PLA2G15: variants seen among roughly 807,000 people sequenced by gnomAD.
The protein encoded by PLA2G15 is phospholipase A2 group XV, also known as lysosomal phospholipase A and acyltransferase.
PLA2G15 carries 20 observed loss-of-function variants against 40.9 expected under a neutral mutation model. That is an observed-to-expected ratio of 0.49 (90% confidence interval 0.34 to 0.71). The LOEUF (loss-of-function observed/expected upper bound fraction) is 0.71, where lower values mean the gene tolerates loss of function less well. Among genes scored for constraint, PLA2G15 ranks in the 30% least tolerant of loss-of-function variants. The pLI, the probability that PLA2G15 is intolerant of heterozygous loss-of-function variation, is 0.01. For missense variants in PLA2G15, 471 were observed against 541.9 expected, an observed-to-expected ratio of 0.87 and a Z score of 1.30; for synonymous variants, 223 against 228.2, an observed-to-expected ratio of 0.98 and a Z score of 0.21.
chr16:68,254,937 A>T lies in PLA2G15; in HGVS notation c.303A>T (p.Thr101=), dbSNP rs900073274. Residue 101 remains threonine (T), a synonymous_variant, in exon 3 of 6, where the codon ACA becomes ACT. Transcript: ENST00000219345. ...ACAACAGGCTGGTTTACAACAAAAC[A>T]TCCAGGGCCACCCAGTTTCCTGATG... ...IDNIRLVYNK[T]SRATQFPDGV... is the part of the protein sequence containing the mutation. 16 of 1,613,562 alleles carry T rather than the reference A, an allele frequency of 9.9e-6. No individual in the cohort carries two copies. Among genetic ancestry groups the T allele is most frequent in the Non-Finnish European group, 1.3e-5 (15 of 1,179,518 alleles).
intron 1 of PLA2G15, among the ~76,000 whole-genome samples, chr16:68,247,301 C>T (rs2042317540): frequency 6.6e-6 from 1 of 152,060 alleles, no homozygotes; most frequent in Non-Finnish European, 1.5e-5. Context: ...TACAGAAGAC[C>T]CTGGGCAAGG....
In PLA2G15 at chr16:68,255,096, G is replaced by A; in HGVS notation, c.403+59G>A. The A allele has an allele frequency of 8.4e-7, 1 of 1,186,346 alleles. No homozygotes were observed. The highest frequency in any genetic ancestry group is 1.3e-6 in the Non-Finnish European group (1 of 792,904). 73.5% of individuals were successfully genotyped at this position (1,186,346 alleles called of 1,614,324 possible). A position where few individuals can be genotyped will look rare whatever the true frequency, so the allele number is the denominator to read the frequency against. On this transcript the variant is annotated intron_variant, in intron 3 of 5. Transcript: ENST00000219345. This position sits in a 1 kb window ranked among gnomAD's most constrained non-coding sequence, Gnocchi z 5.9. Reference sequence around the variant, plus strand: ...GGGATGGGGTTTCTGCCGGACTGGAGCTGGAGCTGGAGGAACTCTGCTGGT... The same window carrying A: ...GGGATGGGGTTTCTGCCGGACTGGAACTGGAGCTGGAGGAACTCTGCTGGT...
intron 2 of PLA2G15, among the ~76,000 whole-genome samples, chr16:68,253,679 G>A (rs780283804): frequency 1.6e-5 from 2 of 128,322 alleles, no homozygotes; most frequent in Non-Finnish European, 3.3e-5. Context: ...CTGGCCTAGT[G>A]TGTTTTGTTT....
rs2042335464 is a variant in PLA2G15 at position 68,249,354 on chromosome 16, C to T, written c.192C>T (p.Leu64=). The T allele has an allele frequency of 6.2e-7, 1 of 1,613,962 alleles. No individual in the cohort carries two copies. Among genetic ancestry groups the T allele is most frequent in the Non-Finnish European group, 8.5e-7 (1 of 1,179,818 alleles). ...KLDKPTVVHY[L]CSKKTESYFT... ...ACAAGCCGACAGTGGTGCACTACCT[C>T]TGCTCCAAGAAGACCGAAAGCTACT... The change falls in exon 2 of 6, where the codon CTC becomes CTT. Residue 64 remains leucine, a synonymous_variant. Transcript: ENST00000219345.
intron 2 of PLA2G15, among the ~76,000 whole-genome samples, chr16:68,253,687 T>TTTTG (rs773904560): frequency 7.2e-6 from 1 of 138,564 alleles, no homozygotes; most frequent in Non-Finnish European, 1.6e-5. Context: ...GTGTGTTTTG[T>TTTTG]TTTGTTTTTT....
chr16:68,255,788 G>A lies in PLA2G15; in HGVS notation c.525G>A (p.Leu175=). The A allele has an allele frequency of 6.2e-7, 1 of 1,614,052 alleles. No individual in the cohort carries two copies. The highest frequency in any genetic ancestry group is 8.5e-7 in the Non-Finnish European group (1 of 1,179,954). ...CAGATGAAAACGGGCCCTACTTCCT[G>A]GCCCTCCGCGAGATGATCGAGGAGA... ...RAPNENGPYF[L]ALREMIEEMY... is the part of the protein sequence containing the mutation. The change falls in exon 5 of 6, where the codon CTG becomes CTA. Residue 175 remains leucine, a synonymous_variant. Coordinates refer to ENST00000219345, the MANE Select transcript of PLA2G15 (RefSeq NM_012320.4). This position sits in a 1 kb window ranked among gnomAD's most constrained non-coding sequence, Gnocchi z 5.9.
Position 68,255,562 on chromosome 16 carries a change from C to T in PLA2G15, c.502+182C>T, listed in dbSNP as rs1567573765. 5 of 640,476 alleles carry T rather than the reference C, an allele frequency of 7.8e-6. No homozygotes were observed. Among genetic ancestry groups the T allele is most frequent in the East Asian group, 2.7e-5 (1 of 36,666 alleles). The allele number at this position is 640,476 out of a possible 1,614,324, so 39.7% of individuals were successfully genotyped here. On this transcript the variant is annotated intron_variant, in intron 4 of 5. Coordinates refer to ENST00000219345, the MANE Select transcript of PLA2G15 (RefSeq NM_012320.4). This position sits in a 1 kb window ranked among gnomAD's most constrained non-coding sequence, Gnocchi z 5.9. ...CAGTCTTATCCTGTCCTCCATTTCC[C>T]ACCCTGGGACCTCTGGGCCTGTGAG...
intron 1 of PLA2G15, among the ~76,000 whole-genome samples, chr16:68,246,328 T>TG (rs1567570933): frequency 6.6e-6 from 1 of 152,176 alleles, no homozygotes; most frequent in African/African-American, 2.4e-5. Flanking sequence ...GACCTCTGTC[T>TG]GGGGGGCCTT....
chr16:68,246,794 C>G (rs1183362145), intron 1 of PLA2G15, among the ~76,000 whole-genome samples: 1 of 152,080 alleles, frequency 6.6e-6, no homozygotes. Flanking sequence ...AGTAATGGGT[C>G]GGGGAGAGAC....
At position 68,255,650 on chromosome 16, in the gene PLA2G15, T is replaced by C; in HGVS notation, c.503-116T>C. The C allele has an allele frequency of 1.2e-6, 1 of 854,920 alleles. No individual in the cohort carries two copies. The highest frequency in any genetic ancestry group is 1.9e-6 in the Non-Finnish European group (1 of 519,112). 53.0% of individuals were successfully genotyped at this position (854,920 alleles called of 1,614,324 possible). ...AGGCGGGGGGACCCAGACCGCTCTGTTTGAATGTGAGCACCCTCCCCTCCC... is the reference window on the plus strand; with the variant it reads ...AGGCGGGGGGACCCAGACCGCTCTGCTTGAATGTGAGCACCCTCCCCTCCC... On this transcript the variant is annotated intron_variant, in intron 4 of 5. Coordinates refer to ENST00000219345, the MANE Select transcript of PLA2G15 (RefSeq NM_012320.4). This position sits in a 1 kb window ranked among gnomAD's most constrained non-coding sequence, Gnocchi z 5.9.
At position 68,255,196 on chromosome 16, in the gene PLA2G15, T is replaced by C. The variant is rs2042390441; in HGVS notation, c.404-86T>C. ...CTGTAGCATTCTTCCAAGGACCTGC[T>C]AGCTGTCACAGTCTCCATGCTGGGC... On this transcript the variant is annotated intron_variant, in intron 3 of 5. Coordinates refer to ENST00000219345, the MANE Select transcript of PLA2G15 (RefSeq NM_012320.4). The surrounding 1 kb of genome is among the most constrained non-coding windows in gnomAD (Gnocchi z 5.9). 1 of 1,079,716 alleles carries C rather than the reference T, an allele frequency of 9.3e-7. No individual in the cohort carries two copies. The highest frequency in any genetic ancestry group is 2.4e-5 in the East Asian group (1 of 41,912). 66.9% of individuals were successfully genotyped at this position (1,079,716 alleles called of 1,614,324 possible). A position where few individuals can be genotyped will look rare whatever the true frequency, so the allele number is the denominator to read the frequency against.
Position 68,255,119 on chromosome 16 carries a change from G to A in PLA2G15, c.403+82G>A. 1 of 1,078,800 alleles carries A rather than the reference G, an allele frequency of 9.3e-7. No homozygotes were observed. Among genetic ancestry groups the A allele is most frequent in the South Asian group, 1.3e-5 (1 of 78,770 alleles). The allele number at this position is 1,078,800 out of a possible 1,614,324, so 66.8% of individuals were successfully genotyped here. A position where few individuals can be genotyped will look rare whatever the true frequency, so the allele number is the denominator to read the frequency against. Reference sequence around the variant, plus strand: ...GAGCTGGAGCTGGAGGAACTCTGCTGGTTTGTAGGGACAGCCTGTGAGCTG... The same window carrying A: ...GAGCTGGAGCTGGAGGAACTCTGCTAGTTTGTAGGGACAGCCTGTGAGCTG... On this transcript the variant is annotated intron_variant, in intron 3 of 5. Transcript: ENST00000219345. This position sits in a 1 kb window ranked among gnomAD's most constrained non-coding sequence, Gnocchi z 5.9.
Position 68,245,541 on chromosome 16 carries a change from C to A in PLA2G15, c.115C>A (p.Pro39Thr), listed in dbSNP as rs759838921. The A allele has an allele frequency of 3.2e-6, 5 of 1,583,922 alleles. No individual in the cohort carries two copies. The East Asian group carries it at 6.9e-5, about 22-fold the overall frequency. Reference protein sequence around the residue: ...DPALPAGRHPPVVLVPGDLGN... With the variant: ...DPALPAGRHPTVVLVPGDLGN... The stretch of plus-strand genomic sequence containing the variant: ...AGCGCTCCCGGCCGGACGTCACCCC[C>A]CAGTGGTGCTGGGTGAGGCACGGGT... Residue 39 changes from proline (P) to threonine (T), a missense_variant, in exon 1 of 6, where the codon CCA becomes ACA. Physicochemically the swap from Pro to Thr is conservative, Grantham distance 38. Transcript: ENST00000219345.
intron 1 of PLA2G15, chr16:68,248,581 T>C: frequency 4.4e-6 from 1 of 226,690 alleles, no homozygotes; most frequent in South Asian, 4.5e-5. Flanking sequence ...GAGATGGGCT[T>C]TCACCATATT....
chr16:68,248,736 C>T (rs1199834513), intron 1 of PLA2G15: 9 of 992,298 alleles, frequency 9.1e-6, no homozygotes, highest in Non-Finnish European at 1.1e-5. Context: ...TTTGGAGGTT[C>T]TGGAATGCAA....
chr16:68,253,693 T>G (rs939221017), intron 2 of PLA2G15, among the ~76,000 whole-genome samples: 1 of 146,460 alleles, frequency 6.8e-6, no homozygotes, highest in Non-Finnish European at 1.5e-5. Context: ...TTTGTTTTGT[T>G]TTTTTTTTTT....
rs1596952043 is a variant in PLA2G15 at position 68,259,034 on chromosome 16, G to A, written c.728-112G>A. The A allele has an allele frequency of 9.0e-6, 7 of 780,018 alleles. 1 individual carries two copies. The highest frequency in any genetic ancestry group is 1.3e-5 in the Non-Finnish European group (6 of 473,348). 48.3% of individuals were successfully genotyped at this position (780,018 alleles called of 1,614,324 possible). A position where few individuals can be genotyped will look rare whatever the true frequency, so the allele number is the denominator to read the frequency against. ...AATGATGATAACCGGGTAGAGATGCGGGACTGTGGACTGGGCCCCTGGCTG... is the reference window on the plus strand; with the variant it reads ...AATGATGATAACCGGGTAGAGATGCAGGACTGTGGACTGGGCCCCTGGCTG... On this transcript the variant is annotated intron_variant, in intron 5 of 5. Transcript: ENST00000219345. The surrounding 1 kb of genome is among the most constrained non-coding windows in gnomAD (Gnocchi z 6.5).
intron 1 of PLA2G15, 104 bp from the exon 2 acceptor site, chr16:68,249,186 A>T: frequency 1.2e-6 from 1 of 867,860 alleles, no homozygotes. Context: ...CAGGTCTGCC[A>T]TATTATCTGT....
In PLA2G15 at chr16:68,259,547, C is replaced by T. The variant is rs753130191; in HGVS notation, c.1129C>T (p.Arg377Cys). ...SALQCQAWQS[R>C]QEHQVLLQEL... is the part of the protein sequence containing the mutation. Reference sequence around the variant, plus strand: ...CCTGCAGTGCCAGGCCTGGCAGAGCCGCCAGGAGCACCAAGTGTTGCTGCA... The same window carrying T: ...CCTGCAGTGCCAGGCCTGGCAGAGCTGCCAGGAGCACCAAGTGTTGCTGCA... Residue 377 changes from arginine (R) to cysteine (C), a missense_variant, in exon 6 of 6, where the codon CGC becomes TGC. By Grantham distance (180) the Arg-to-Cys change is radical (BLOSUM62 -3). Transcript: ENST00000219345. This position sits in a 1 kb window ranked among gnomAD's most constrained non-coding sequence, Gnocchi z 6.5. The T allele has an allele frequency of 3.1e-5, 50 of 1,613,216 alleles. No homozygotes were observed. Among genetic ancestry groups the T allele is most frequent in the East Asian group, 2.9e-4 (13 of 44,894 alleles).
Sources: allele counts gnomAD v4.1 joint callset (sites outside exome capture counted in the v4.1 genomes callset), GRCh38; gene constraint gnomAD v4.1.1; non-coding constraint Gnocchi (gnomAD v3.1); transcripts MANE v1.5; gene names NCBI Gene and HGNC (gene_info 2026-07-23, HGNC 2026-07-21).